GALNT2: variants seen among roughly 807,000 people sequenced by gnomAD.
The protein encoded by GALNT2 is UDP-GalNAc:polypeptide N-acetylgalactosaminyltransferase 2.
A neutral mutation model predicts 81.4 loss-of-function variants in GALNT2; 31 were observed. The observed-to-expected ratio is 0.38, with a 90% CI of 0.29 to 0.51. The LOEUF (loss-of-function observed/expected upper bound fraction) is 0.51, where lower values mean the gene tolerates loss of function less well. GALNT2 is among the 20% of genes least tolerant of loss of function. The pLI, the probability that GALNT2 is intolerant of heterozygous loss-of-function variation, is 0.87. For synonymous variants in GALNT2, 303 were observed against 287.4 expected, an observed-to-expected ratio of 1.05 and a Z score of -0.55; for missense variants, 629 against 765.7, an observed-to-expected ratio of 0.82 and a Z score of 2.11.
intron 1 of GALNT2, among the ~76,000 whole-genome samples, chr1:230,129,238 T>A (rs1410635792): frequency 6.6e-6 from 1 of 152,184 alleles, no homozygotes; most frequent in Non-Finnish European, 1.5e-5. Context: ...TGCTGCGAAT[T>A]TTTCTGTTTC....
chr1:230,188,947 C>T (rs912320352), intron 2 of GALNT2, among the ~76,000 whole-genome samples: 2 of 152,000 alleles, frequency 1.3e-5, no homozygotes, highest in South Asian at 4.2e-4. Flanking sequence ...ACCAGCCAGC[C>T]AGCTGGCAGA....
intron 1 of GALNT2, among the ~76,000 whole-genome samples, chr1:230,102,779 G>T (rs1401532125): frequency 1.3e-5 from 2 of 152,194 alleles, no homozygotes; most frequent in African/African-American, 4.8e-5. Flanking sequence ...AACAGATTCT[G>T]TGGGGTAAAT....
intron 1 of GALNT2, among the ~76,000 whole-genome samples, chr1:230,138,515 ACT>A (rs1402062725): frequency 7.3e-6 from 1 of 136,206 alleles, no homozygotes; most frequent in Non-Finnish European, 1.5e-5. Context: ...ATGCAGCGAG[ACT>A]CTGTCTCAAA....
At chr1:230,063,738 T>C (rs1187035079), upstream of GALNT2, among the ~76,000 whole-genome samples, 1 of 152,260 alleles carries the variant, frequency 6.6e-6, no homozygotes, top group African/African-American at 2.4e-5. Context: ...AAGGGAAGTT[T>C]TGGGCTATAA....
intron 1 of GALNT2, among the ~76,000 whole-genome samples, chr1:230,095,162 A>G (rs948115637): frequency 6.6e-6 from 1 of 152,034 alleles, no homozygotes; most frequent in Non-Finnish European, 1.5e-5. Flanking sequence ...AGGGAGAGCT[A>G]GTGCAGAATG....
At chr1:230,218,836 G>A (rs1664465101) in intron 3 of GALNT2, among the ~76,000 whole-genome samples, 1 of 152,344 alleles carries the variant, frequency 6.6e-6, no homozygotes, top group Admixed American at 6.5e-5. Flanking sequence ...GTGACACATG[G>A]CCTGTTAGGA....
intron 1 of GALNT2, among the ~76,000 whole-genome samples, chr1:230,133,602 C>T (rs558224978): frequency 9.2e-5 from 14 of 151,900 alleles, no homozygotes; most frequent in Non-Finnish European, 1.3e-4. Flanking sequence ...TATAGGCGCC[C>T]GCCACCGCGC....
chr1:230,091,386 T>A (rs1406149002), intron 1 of GALNT2, among the ~76,000 whole-genome samples: 1 of 152,074 alleles, frequency 6.6e-6, no homozygotes, highest in Non-Finnish European at 1.5e-5. Flanking sequence ...CAGCAAACCT[T>A]TTCTATCGGC....
chr1:230,062,625 T>A (rs140378219), upstream of GALNT2, among the ~76,000 whole-genome samples: 1,079 of 152,364 alleles, frequency 7.1e-3, 12 homozygotes, highest in South Asian at 0.03. Flanking sequence ...TCTTTTTGTG[T>A]CTCGCTCATT....
intron 14 of GALNT2, among the ~76,000 whole-genome samples, chr1:230,266,767 C>T (rs570203828): frequency 3.3e-5 from 5 of 152,304 alleles, no homozygotes; most frequent in East Asian, 3.9e-4. Context: ...CCTAAATCTC[C>T]AGCCCTTAAA....
intron 1 of GALNT2, among the ~76,000 whole-genome samples, chr1:230,095,863 G>C (rs1421075484): frequency 6.6e-6 from 1 of 152,246 alleles, no homozygotes; most frequent in African/African-American, 2.4e-5. Context: ...TGGAGGGTGA[G>C]ACATGTTGGA....
At chr1:230,185,388 C>G (rs1442697142) in intron 2 of GALNT2, among the ~76,000 whole-genome samples, 1 of 151,820 alleles carries the variant, frequency 6.6e-6, no homozygotes, top group South Asian at 2.1e-4. Context: ...GTGCACGGAA[C>G]CCTGGTAAAC....
At chr1:230,125,273 T>C (rs892488453) in intron 1 of GALNT2, among the ~76,000 whole-genome samples, 1 of 152,112 alleles carries the variant, frequency 6.6e-6, no homozygotes, top group Non-Finnish European at 1.5e-5. Flanking sequence ...GTAACAGAGA[T>C]GGGACTAAGG....
chr1:230,159,882 G>C (rs1662377636), intron 1 of GALNT2, among the ~76,000 whole-genome samples: 1 of 152,208 alleles, frequency 6.6e-6, no homozygotes, highest in Non-Finnish European at 1.5e-5. Flanking sequence ...CTGGATCCCT[G>C]TTTGCTAGAG....
chr1:230,091,845 C>A (rs1016264102), intron 1 of GALNT2: 1 of 152,420 alleles, frequency 6.6e-6, no homozygotes, highest in Non-Finnish European at 1.5e-5. Context: ...AAGGAAGTCT[C>A]TACCTCAGGG....
intron 1 of GALNT2, among the ~76,000 whole-genome samples, chr1:230,122,103 G>T (rs370462293): frequency 1.4e-4 from 22 of 151,918 alleles, no homozygotes; most frequent in African/African-American, 5.1e-4. Context: ...CTCCTGAGCG[G>T]TGCTGTACAT....
At chr1:230,072,680 A>G (rs1317813023) in intron 1 of GALNT2, among the ~76,000 whole-genome samples, 1 of 152,232 alleles carries the variant, frequency 6.6e-6, no homozygotes, top group African/African-American at 2.4e-5. Context: ...TGCCACTCAC[A>G]TGTAACAGTG....
chr1:230,269,408 A>G (rs1666115235), intron 14 of GALNT2, among the ~76,000 whole-genome samples: 1 of 151,786 alleles, frequency 6.6e-6, no homozygotes, highest in African/African-American at 2.4e-5. Context: ...CTGGTCTCGA[A>G]CTCGTGACCT....
At chr1:230,106,707 A>C (rs577182546) in intron 1 of GALNT2, among the ~76,000 whole-genome samples, 1 of 152,314 alleles carries the variant, frequency 6.6e-6, no homozygotes, top group African/African-American at 2.4e-5. Context: ...TACACTTGCT[A>C]AGCTCTGTGC....
Sources: allele counts gnomAD v4.1 joint callset (sites outside exome capture counted in the v4.1 genomes callset), GRCh38; gene constraint gnomAD v4.1.1; transcripts MANE v1.5; gene names NCBI Gene and HGNC (gene_info 2026-07-23, HGNC 2026-07-21).